IRS1: variants seen among roughly 807,000 people sequenced by gnomAD.
IRS1 encodes insulin receptor substrate 1.
Under a neutral mutation model 65.6 loss-of-function variants are expected in IRS1, and 34 were observed. That is an observed-to-expected ratio of 0.52 (90% CI 0.39 to 0.69). The LOEUF is 0.69. Ranked by LOEUF, IRS1 falls within the 30% of genes least tolerant of loss-of-function variation. The probability of loss-of-function intolerance (pLI) is 0.00; values close to 1 mark genes in which losing one functional copy is unlikely to be tolerated. For missense variants in IRS1, 1,641 were observed against 1,720.2 expected, an observed-to-expected ratio of 0.95 and a Z score of 0.81; for synonymous variants, 699 against 683.5, an observed-to-expected ratio of 1.02 and a Z score of -0.35.
chr2:226,790,443 T>C (rs191498593), intron 1 of IRS1, among the ~76,000 whole-genome samples: 2 of 152,286 alleles, frequency 1.3e-5, no homozygotes, highest in East Asian at 3.9e-4. Context: ...CTACAATATA[T>C]GCAACATTTT....
intron 1 of IRS1, among the ~76,000 whole-genome samples, chr2:226,751,274 A>ATTTTTTTTTTTTTTTTTT (rs35699614): frequency 1.3e-5 from 1 of 77,550 alleles, no homozygotes; most frequent in Non-Finnish European, 2.4e-5. Context: ...CCACACGGGT[A>ATTTTTTTTTTTTTTTTTT]TTTTTTTTTT....
At chr2:226,739,814 T>C (rs981493055) in intron 1 of IRS1, among the ~76,000 whole-genome samples, 1 of 152,200 alleles carries the variant, frequency 6.6e-6, no homozygotes, top group Non-Finnish European at 1.5e-5. Context: ...GGCAAACATT[T>C]GCGTAACTTA....
chr2:226,794,932 T>G lies in IRS1; in HGVS notation c.*21+57A>C. On this transcript the variant is annotated intron_variant, in intron 1 of 1. Coordinates refer to ENST00000305123, the MANE Select transcript of IRS1 (RefSeq NM_005544.3). This position sits in a 1 kb window ranked among gnomAD's most constrained non-coding sequence, Gnocchi z 4.1. ...GAAGGGGCAGAGGCGAAGAACAGAA[T>G]TCAAGGACAAGGTTAAAAGCAGTTT... 1 of 1,464,986 alleles carries G rather than the reference T, an allele frequency of 6.8e-7. No individual in the cohort carries two copies. The highest frequency in any genetic ancestry group is 1.1e-5 in the South Asian group (1 of 87,830). 90.7% of individuals were successfully genotyped at this position (1,464,986 alleles called of 1,614,324 possible).
In IRS1 at chr2:226,795,848, C is replaced by T; in HGVS notation, c.2891G>A (p.Arg964Lys). ...WQESTGVEMGRLGPAPPGAAS... is the reference protein window; with the variant it reads ...WQESTGVEMGKLGPAPPGAAS... ...AGCCCCGGGAGGTGCAGGGCCCAGT[C>T]TGCCCATCTCGACCCCAGTGCTCTC... The change falls in exon 1 of 2, where the codon AGA becomes AAA. Residue 964 changes from arginine to lysine, a missense_variant. Transcript: ENST00000305123. 6.2e-7 allele frequency: 1 copy of T among 1,613,410 alleles called. No homozygotes were observed. The highest frequency in any genetic ancestry group is 8.5e-7 in the Non-Finnish European group (1 of 1,179,926).
At chr2:226,779,316 G>A (rs1302091300) in intron 1 of IRS1, among the ~76,000 whole-genome samples, 2 of 152,206 alleles carry the variant, frequency 1.3e-5, no homozygotes, top group Non-Finnish European at 2.9e-5. Context: ...AATAGGATAT[G>A]ATTCTGGTCT....
rs907678304 is a variant in IRS1, at chr2:226,794,327, A to G, written c.*21+662T>C. On this transcript the variant is annotated intron_variant, in intron 1 of 1. Coordinates refer to ENST00000305123, the MANE Select transcript of IRS1 (RefSeq NM_005544.3). The surrounding 1 kb of genome is among the most constrained non-coding windows in gnomAD (Gnocchi z 4.1). ...ATATTTCACAAATCCTGGTACATGAACAAAAGGAGAACGTCACCCATAATT... is the reference window on the plus strand; with the variant it reads ...ATATTTCACAAATCCTGGTACATGAGCAAAAGGAGAACGTCACCCATAATT... 3.9e-5 allele frequency among the ~76,000 whole-genome samples: 6 copies of G among 152,224 alleles called. No homozygotes were observed. The highest frequency in any genetic ancestry group is 1.4e-4 in the African/African-American group (6 of 41,454).
rs1056525504 is a variant in IRS1, at chr2:226,799,204, T to A, written c.-466A>T. On this transcript the variant is annotated 5_prime_UTR_variant, in exon 1 of 2. Transcript: ENST00000305123. This position sits in a 1 kb window ranked among gnomAD's most constrained non-coding sequence, Gnocchi z 6.1. ...TGGAAGCAGCGATTCCCGAGGCAAA[T>A]TAAATATCCTTGGGCAGGGGGAGGC... is the stretch of plus-strand genomic sequence containing the variant. The A allele has an allele frequency of 9.1e-7, 1 of 1,102,210 alleles. No individual in the cohort carries two copies. Among genetic ancestry groups the A allele is most frequent in the African/African-American group, 1.7e-5 (1 of 58,056 alleles). 68.3% of individuals were successfully genotyped at this position (1,102,210 alleles called of 1,614,324 possible).
chr2:226,794,279 G>C lies in IRS1; in HGVS notation c.*21+710C>G, dbSNP rs1368883010. On this transcript the variant is annotated intron_variant, in intron 1 of 1. Coordinates refer to ENST00000305123, the MANE Select transcript of IRS1 (RefSeq NM_005544.3). This position sits in a 1 kb window ranked among gnomAD's most constrained non-coding sequence, Gnocchi z 4.1. ...TGTACAAGAGAGGCCAGGCCCGTGG[G>C]ATGGTGGGTCGGTGTGTGAATAATA... Among the ~76,000 whole-genome samples the C allele has an allele frequency of 2.0e-5, 3 of 152,216 alleles. No homozygotes were observed. In the East Asian group the frequency reaches 5.8e-4, roughly 29 times the overall value.
At chr2:226,748,926 C>T (rs1938614263) in intron 1 of IRS1, among the ~76,000 whole-genome samples, 2 of 152,134 alleles carry the variant, frequency 1.3e-5, no homozygotes, top group Non-Finnish European at 2.9e-5. Context: ...AACCCTGAGG[C>T]AGTGGTAAGA....
chr2:226,759,048 A>G (rs1335844372), intron 1 of IRS1, among the ~76,000 whole-genome samples: 2 of 152,132 alleles, frequency 1.3e-5, no homozygotes, highest in South Asian at 2.1e-4. Flanking sequence ...TAGAGGCCCA[A>G]TGGGGGATAA....
At position 226,754,805 on chromosome 2, in the gene IRS1, T is replaced by C. The variant is rs113380306; in HGVS notation, c.*22-18555A>G. 2.1e-3 allele frequency among the ~76,000 whole-genome samples: 325 copies of C among 152,358 alleles called. 2 individuals are homozygous for C. The highest frequency in any genetic ancestry group is 6.9e-3 in the African/African-American group (288 of 41,584). On this transcript the variant is annotated intron_variant, in intron 1 of 1. Coordinates refer to ENST00000305123, the MANE Select transcript of IRS1 (RefSeq NM_005544.3). The stretch of plus-strand genomic sequence containing the variant: ...TCAGCTAAAACAACATTTCACTTAA[T>C]AGGCACTTGGATATCAGAAATACCT...
At position 226,795,027 on chromosome 2, in the gene IRS1, G is replaced by A. The variant is rs1559158460; in HGVS notation, c.3712C>T (p.Pro1238Ser). 1 of 1,612,810 alleles carries A rather than the reference G, an allele frequency of 6.2e-7. No individual in the cohort carries two copies. The highest frequency in any genetic ancestry group is 8.5e-7 in the Non-Finnish European group (1 of 1,179,920). Residue 1238 changes from proline (P) to serine (S), a missense_variant, in exon 1 of 2, where the codon CCA (proline) becomes TCA (serine). Pro to Ser is a moderately conservative substitution (Grantham distance 74). Coordinates refer to ENST00000305123, the MANE Select transcript of IRS1 (RefSeq NM_005544.3). ...AYASISFQKQ[P>S]EDRQ ...CAGTTGAGCTACTGACGGTCCTCTG[G>A]CTGCTTCTGGAAACTGATGCTGGCA... is the stretch of plus-strand genomic sequence containing the variant.
Position 226,796,193 on chromosome 2 carries a change from G to C in IRS1, c.2546C>G (p.Ala849Gly). The C allele has an allele frequency of 6.2e-7, 1 of 1,613,634 alleles. No homozygotes were observed. The highest frequency in any genetic ancestry group is 8.5e-7 in the Non-Finnish European group (1 of 1,179,932). ...PHLPRKVDTA[A>G]QTNSRLARPT... Reference sequence around the variant, plus strand: ...CCGGGCCAGGCGGCTATTGGTCTGAGCAGCTGTGTCCACCTTTCGAGGCAG... The same window carrying C: ...CCGGGCCAGGCGGCTATTGGTCTGACCAGCTGTGTCCACCTTTCGAGGCAG... Residue 849 changes from alanine (A) to glycine (G), a missense_variant, in exon 1 of 2, where the codon GCT becomes GGT. This residue lies in a region of IRS1 where 1,324 missense variants were observed against 1,361.0 expected (regional missense o/e 0.97). Transcript: ENST00000305123.
Position 226,796,548 on chromosome 2 carries a change from C to T in IRS1, c.2191G>A (p.Asp731Asn). 6.2e-7 allele frequency: 1 copy of T among 1,614,118 alleles called. No individual in the cohort carries two copies. Among genetic ancestry groups the T allele is most frequent in the Non-Finnish European group, 8.5e-7 (1 of 1,180,026 alleles). Residue 731 changes from aspartate to asparagine, a missense_variant, in exon 1 of 2, where the codon GAC becomes AAC. Transcript: ENST00000305123. The stretch of plus-strand genomic sequence containing the variant: ...CCCACTGGTGACATGTTCATGTAGT[C>T]ACCTGTGCAAGGTAAGAGCTTACCA... ...SGGKLLPCTG[D>N]YMNMSPVGDS... is the part of the protein sequence containing the mutation.
In IRS1 at chr2:226,796,263, C is replaced by G. The variant is rs1000762680; in HGVS notation, c.2476G>C (p.Glu826Gln). 1.9e-6 allele frequency: 3 copies of G among 1,613,458 alleles called. No individual in the cohort carries two copies. The highest frequency in any genetic ancestry group is 1.7e-5 in the Admixed American group (1 of 60,030). Residue 826 changes from glutamate (E) to glutamine (Q), a missense_variant, in exon 1 of 2, where the codon GAG (glutamate) becomes CAG (glutamine). By Grantham distance (29) the Glu-to-Gln change is conservative. Transcript: ENST00000305123. Reference sequence around the variant, plus strand: ...TGGTGGGGATGTGGAAGGCTGGGCTCCAGCCTAGCCCCGCAGTATCCCCCA... The same window carrying G: ...TGGTGGGGATGTGGAAGGCTGGGCTGCAGCCTAGCCCCGCAGTATCCCCCA... ...LGGGYCGARL[E>Q]PSLPHPHHQV...
Position 226,795,160 on chromosome 2 carries a change from C to T in IRS1, c.3579G>A (p.Gln1193=), listed in dbSNP as rs140904930. The part of the protein sequence containing the change: ...DLVKDFKQCP[Q]ECTPEPQPPP... Reference sequence around the variant, plus strand: ...GAGGCTGCGGTTCAGGGGTGCACTCCTGAGGGCACTGTTTGAAGTCCTTGA... The same window carrying T: ...GAGGCTGCGGTTCAGGGGTGCACTCTTGAGGGCACTGTTTGAAGTCCTTGA... The change falls in exon 1 of 2, where the codon CAG becomes CAA. Residue 1193 remains glutamine (Q), a synonymous_variant. Transcript: ENST00000305123. 474 of 1,613,832 alleles carry T rather than the reference C, an allele frequency of 2.9e-4. 4 individuals carry two copies. The African/African-American group carries it at 5.7e-3, about 19-fold the overall frequency.
chr2:226,747,803 G>T (rs1216159270), intron 1 of IRS1, among the ~76,000 whole-genome samples: 1 of 152,030 alleles, frequency 6.6e-6, no homozygotes, highest in African/African-American at 2.4e-5. Flanking sequence ...ATTTGTGTGG[G>T]TGAAAAAACT....
chr2:226,795,502 A>T lies in IRS1; in HGVS notation c.3237T>A (p.Pro1079=). The T allele has an allele frequency of 1.2e-6, 2 of 1,613,444 alleles. No homozygotes were observed. Among genetic ancestry groups the T allele is most frequent in the Non-Finnish European group, 1.7e-6 (2 of 1,180,010 alleles). Residue 1079 remains proline (P), a synonymous_variant, in exon 1 of 2, where the codon CCT becomes CCA. Transcript: ENST00000305123. Reference sequence around the variant, plus strand: ...TCACTTTGGCACTCTGGTTGCGGTTAGGACTGAGGTTCACCCGGGTGAAGG... The same window carrying T: ...TCACTTTGGCACTCTGGTTGCGGTTTGGACTGAGGTTCACCCGGGTGAAGG... ...MSAFTRVNLS[P]NRNQSAKVIR... is the part of the protein sequence containing the mutation.
chr2:226,748,033 GA>G (rs34294898), intron 1 of IRS1, among the ~76,000 whole-genome samples: 8,479 of 151,470 alleles, frequency 0.056, 366 homozygotes, highest in East Asian at 0.18. Flanking sequence ...AGCTCAGGGA[GA>G]TAATGAGATA....
Sources: gnomAD v4.1 joint callset for allele counts (sites outside exome capture counted in the v4.1 genomes callset) on GRCh38, gnomAD v4.1.1 for gene constraint, gnomAD v4.1.1 regional missense constraint, Gnocchi (gnomAD v3.1) non-coding constraint, MANE v1.5 for transcripts, NCBI Gene and HGNC (gene_info 2026-07-23, HGNC 2026-07-21) for gene names.